Variants in NSD2 observed in about 807,000 individuals in gnomAD.
The protein encoded by NSD2 is nuclear receptor binding SET domain protein 2.
A neutral mutation model predicts 139.0 loss-of-function variants in NSD2; 12 were observed. The observed-to-expected ratio is 0.09, with a 90% CI of 0.06 to 0.14. NSD2 has a LOEUF of 0.14. Ranked by LOEUF, NSD2 falls within the 10% of genes least tolerant of loss-of-function variation. The pLI is 1.00. For missense variants in NSD2, 1,155 were observed against 1,745.0 expected, an observed-to-expected ratio of 0.66 and a Z score of 6.02; for synonymous variants, 669 against 648.7, an observed-to-expected ratio of 1.03 and a Z score of -0.48.
intron 5 of NSD2, among the ~76,000 whole-genome samples, chr4:1,926,073 G>T (rs1720871497): frequency 6.6e-6 from 1 of 151,860 alleles, no homozygotes; most frequent in Non-Finnish European, 1.5e-5. Flanking sequence ...ACAGTGCTGG[G>T]ATTACAGACA....
chr4:1,964,641 G>A (rs1344448637), intron 18 of NSD2, among the ~76,000 whole-genome samples: 1 of 152,022 alleles, frequency 6.6e-6, no homozygotes, highest in African/African-American at 2.4e-5. Flanking sequence ...CGCTGCCGTT[G>A]TTATCACACC....
chr4:1,871,871 G>C (rs1713801041), intron 1 of NSD2, among the ~76,000 whole-genome samples: 1 of 147,408 alleles, frequency 6.8e-6, no homozygotes, highest in African/African-American at 2.4e-5. Context: ...CGGCTAACGG[G>C]GCCGGGCGGG....
chr4:1,977,604 C>T (rs1053883257), intron 21 of NSD2, among the ~76,000 whole-genome samples: 9 of 151,882 alleles, frequency 5.9e-5, no homozygotes, highest in South Asian at 2.1e-4. Flanking sequence ...GGTGAAACCC[C>T]GTCTCTACTA....
chr4:1,916,551 GC>G (rs1577430343), intron 3 of NSD2, among the ~76,000 whole-genome samples: 1 of 152,116 alleles, frequency 6.6e-6, no homozygotes, highest in East Asian at 1.9e-4. Context: ...TTGCCATGTT[GC>G]CCAGGCTGGT....
At chr4:1,912,075 T>C in intron 3 of NSD2, 1 of 374,298 alleles carries the variant, frequency 2.7e-6, no homozygotes, top group South Asian at 2.0e-5. Context: ...TCCCTTGACA[T>C]ATCCTTGAAT....
At position 1,900,946 on chromosome 4, in the gene NSD2, C is replaced by T. The variant is rs758105062; in HGVS notation, c.292C>T (p.Leu98=). The T allele has an allele frequency of 6.2e-7, 1 of 1,614,222 alleles. No individual in the cohort carries two copies. The highest frequency in any genetic ancestry group is 8.5e-7 in the Non-Finnish European group (1 of 1,180,040). The change falls in exon 2 of 22, where the codon CTG becomes TTG. Residue 98 remains leucine, a synonymous_variant. Coordinates refer to ENST00000508803, the MANE Select transcript of NSD2 (RefSeq NM_001042424.3). ...AGAACCCGGCGCACACGATGCCAAA[C>T]TGCGTTTTGAGTCCCAGGAAATGAA... The part of the protein sequence containing the change: ...NGEPGAHDAK[L]RFESQEMKGI...
At chr4:1,959,384 C>T in intron 16 of NSD2, 87 bp from the exon 17 acceptor site, 1 of 1,511,848 alleles carries the variant, frequency 6.6e-7, no homozygotes, top group Non-Finnish European at 9.0e-7. Context: ...CACCTGGAGG[C>T]TGGGTAAGGA....
Position 1,980,288 on chromosome 4 carries a change from C to G in NSD2, c.*1379C>G. The G allele has an allele frequency of 4.3e-6, 1 of 233,082 alleles. No individual in the cohort carries two copies. The allele number at this position is 233,082 out of a possible 1,614,324, so 14.4% of individuals were successfully genotyped here. ...GACTTGGTTCTTTTTTTGAGGGATCCTTGACCCTGGGAAGTCTGGAGCACC... is the reference window on the plus strand; with the variant it reads ...GACTTGGTTCTTTTTTTGAGGGATCGTTGACCCTGGGAAGTCTGGAGCACC... On this transcript the variant is annotated 3_prime_UTR_variant, in exon 22 of 22. Transcript: ENST00000508803.
At chr4:1,970,940 T>C (rs1726405180) in intron 18 of NSD2, among the ~76,000 whole-genome samples, 1 of 152,232 alleles carries the variant, frequency 6.6e-6, no homozygotes, top group Non-Finnish European at 1.5e-5. Context: ...GTTCTGACTG[T>C]GGCCAGCATA....
chr4:1,967,894 G>C (rs1210743648), intron 18 of NSD2, among the ~76,000 whole-genome samples: 1 of 152,056 alleles, frequency 6.6e-6, no homozygotes, highest in Non-Finnish European at 1.5e-5. Context: ...AATTAGGGAG[G>C]GATAAGGAAA....
Position 1,961,163 on chromosome 4 carries a change from C to T in NSD2, c.3372+12C>T, listed in dbSNP as rs747865163. On this transcript the variant is annotated intron_variant, in intron 18 of 21. Coordinates refer to ENST00000508803, the MANE Select transcript of NSD2 (RefSeq NM_001042424.3). The stretch of plus-strand genomic sequence containing the variant: ...TCACTATAGACAAGGTAATGCGGAA[C>T]TCCACTGTGAGCTTCTGCAGTGTGC... 21 of 1,588,966 alleles carry T rather than the reference C, an allele frequency of 1.3e-5. No homozygotes were observed. Among genetic ancestry groups the T allele is most frequent in the Non-Finnish European group, 1.7e-5 (20 of 1,159,394 alleles).
At chr4:1,896,924 A>G (rs1434205922) in intron 1 of NSD2, among the ~76,000 whole-genome samples, 1 of 151,878 alleles carries the variant, frequency 6.6e-6, no homozygotes, top group Non-Finnish European at 1.5e-5. Flanking sequence ...TAATCCCAGC[A>G]CTTTGAAAGG....
chr4:1,977,781 G>C (rs1294858566), intron 21 of NSD2, among the ~76,000 whole-genome samples: 1 of 143,894 alleles, frequency 6.9e-6, no homozygotes, highest in African/African-American at 2.7e-5. Flanking sequence ...GACAGAGCAA[G>C]ACTCCACTCA....
intron 9 of NSD2, chr4:1,943,948 G>A (rs753173456): frequency 2.4e-5 from 26 of 1,064,354 alleles, no homozygotes; most frequent in Non-Finnish European, 3.0e-5. Context: ...GCGCATAGGT[G>A]CTCCCTCTAT....
chr4:1,957,306 C>CT (rs1724927189), intron 15 of NSD2, among the ~76,000 whole-genome samples: 1 of 149,418 alleles, frequency 6.7e-6, no homozygotes, highest in African/African-American at 2.5e-5. Context: ...TTTTTTGAGA[C>CT]TGAGTCTTGC....
chr4:1,946,096 A>G (rs142907708), intron 9 of NSD2: 32 of 1,029,856 alleles, frequency 3.1e-5, no homozygotes, highest in Non-Finnish European at 3.7e-5. Context: ...TAAATAGGGT[A>G]ATTGCTGAGG....
At chr4:1,930,583 T>C in intron 5 of NSD2, 43 bp from the exon 6 acceptor site, 1 of 1,552,110 alleles carries the variant, frequency 6.4e-7, no homozygotes. Flanking sequence ...CCAATGAGTT[T>C]TACGGATTTA....
intron 7 of NSD2, among the ~76,000 whole-genome samples, chr4:1,936,530 G>A (rs961355715): frequency 5.3e-5 from 8 of 151,962 alleles, no homozygotes; most frequent in Admixed American, 2.0e-4. Flanking sequence ...AATTAGTCGG[G>A]TGTGGTGGTG....
intron 9 of NSD2, chr4:1,945,474 T>C (rs184937337): frequency 1.9e-6 from 2 of 1,063,530 alleles, no homozygotes. Flanking sequence ...AAACTAAGAT[T>C]ATAAATTAGC....
Sources: gnomAD v4.1 joint callset for allele counts (sites outside exome capture counted in the v4.1 genomes callset) on GRCh38, gnomAD v4.1.1 for gene constraint, MANE v1.5 for transcripts, NCBI Gene and HGNC (gene_info 2026-07-23, HGNC 2026-07-21) for gene names.